VWA3B: variants seen among roughly 807,000 people sequenced by gnomAD.
The protein encoded by VWA3B is von Willebrand factor A domain containing 3B, also known as von Willebrand factor A domain-containing protein 3B.
VWA3B carries 138 observed loss-of-function variants against 158.3 expected under a neutral mutation model. The ratio of observed to expected loss-of-function variants is 0.87; its 90% confidence interval spans 0.76 to 1.00. VWA3B has a LOEUF of 1.00. Among genes scored for constraint, VWA3B ranks in the 50% least tolerant of loss-of-function variants. VWA3B has a pLI of 0.00. For missense variants in VWA3B, 1,555 were observed against 1,565.1 expected (o/e 0.99, Z 0.11); for synonymous variants, 596 against 587.3 (o/e 1.01, Z -0.21).
chr2:98,264,202 A>AT (rs529959535), intron 21 of VWA3B, among the ~76,000 whole-genome samples: 2 of 150,304 alleles, frequency 1.3e-5, no homozygotes, highest in East Asian at 2.0e-4. Context: ...GCTTTCATTG[A>AT]TTTTTTTTCT....
At chr2:98,319,660 A>G in the VWA3B span, among the ~76,000 whole-genome samples, 38 of 152,330 alleles carry the variant, frequency 2.5e-4, no homozygotes, top group East Asian at 6.8e-3. Context: ...TGGGTGGATA[A>G]AATGAGGCTA....
At chr2:98,314,792 G>A (rs148623365), downstream of VWA3B, among the ~76,000 whole-genome samples, 1,912 of 152,278 alleles carry the variant, frequency 0.013, 145 homozygotes, top group Admixed American at 0.11. Context: ...GGAGGCCGAG[G>A]TGGGTGGATC....
At chr2:98,213,381 A>G (rs1683704144) in intron 13 of VWA3B, among the ~76,000 whole-genome samples, 2 of 152,272 alleles carry the variant, frequency 1.3e-5, no homozygotes, top group South Asian at 4.1e-4. Context: ...AGTTGTGCCA[A>G]GGAAAGGCTG....
At chr2:98,238,165 G>A (rs1002285459) in intron 19 of VWA3B, among the ~76,000 whole-genome samples, 10 of 152,152 alleles carry the variant, frequency 6.6e-5, no homozygotes, top group Admixed American at 4.6e-4. Context: ...CACCCATGGA[G>A]GCTCACCTGC....
intron 11 of VWA3B, 92 bp from the exon 12 acceptor site, chr2:98,194,269 C>T: frequency 7.7e-7 from 1 of 1,305,786 alleles, no homozygotes; most frequent in Non-Finnish European, 1.1e-6. Context: ...AAATAGAGAC[C>T]ATCATGATTA....
At chr2:98,314,593 G>A (rs1164669384), downstream of VWA3B, among the ~76,000 whole-genome samples, 1 of 152,128 alleles carries the variant, frequency 6.6e-6, no homozygotes, top group Non-Finnish European at 1.5e-5. Flanking sequence ...CTGTGTCCCA[G>A]AACAAAGATC....
At chr2:98,326,099 A>T in the VWA3B span, among the ~76,000 whole-genome samples, 1 of 152,236 alleles carries the variant, frequency 6.6e-6, no homozygotes, top group Non-Finnish European at 1.5e-5. Flanking sequence ...TGCAACAAAG[A>T]AGAAATCGCA....
At chr2:98,253,178 C>T (rs1686906898) in intron 20 of VWA3B, among the ~76,000 whole-genome samples, 1 of 152,036 alleles carries the variant, frequency 6.6e-6, no homozygotes, top group Non-Finnish European at 1.5e-5. Flanking sequence ...TCATTTTTCT[C>T]AAGATAGTCA....
chr2:98,132,117 A>G (rs968788059), intron 6 of VWA3B, among the ~76,000 whole-genome samples: 2 of 152,230 alleles, frequency 1.3e-5, no homozygotes, highest in Non-Finnish European at 2.9e-5. Flanking sequence ...GCTAGAGCCC[A>G]GGGAATAATT....
chr2:98,294,796 A>G (rs944146215), intron 23 of VWA3B, among the ~76,000 whole-genome samples: 7 of 152,284 alleles, frequency 4.6e-5, no homozygotes, highest in Admixed American at 4.6e-4. Context: ...CTGTGTTTTC[A>G]TTTATTTGAG....
At chr2:98,303,263 G>A (rs190562534) in intron 25 of VWA3B, among the ~76,000 whole-genome samples, 9 of 152,198 alleles carry the variant, frequency 5.9e-5, no homozygotes, top group Admixed American at 2.0e-4. Context: ...GGCCGGGGGC[G>A]GGGGGTGGAG....
rs1165641897 is a variant in VWA3B, at chr2:98,313,266, A to G, written c.*917A>G. 2 of 151,842 alleles carry G rather than the reference A, an allele frequency of 1.3e-5. No homozygotes were observed. The allele number at this position is 151,842 out of a possible 1,614,324, so 9.4% of individuals were successfully genotyped here. On this transcript the variant is annotated 3_prime_UTR_variant, in exon 28 of 28. Transcript: ENST00000477737. ...TTATGGTGAAGAAATTAAAGAACTA[A>G]TCCACTTCTAAAAATATGAAAAAAA...
intron 7 of VWA3B, among the ~76,000 whole-genome samples, chr2:98,156,485 C>A (rs892492675): frequency 3.3e-5 from 5 of 152,086 alleles, no homozygotes; most frequent in Admixed American, 3.3e-4. Context: ...GAGCAGATGC[C>A]GGTGCGGGGT....
At chr2:98,155,124 A>T (rs1226546967) in intron 7 of VWA3B, among the ~76,000 whole-genome samples, 1 of 152,238 alleles carries the variant, frequency 6.6e-6, no homozygotes, top group African/African-American at 2.4e-5. Flanking sequence ...CTGGTGGGCC[A>T]TCCCCGTGGG....
intron 23 of VWA3B, among the ~76,000 whole-genome samples, chr2:98,296,426 G>A (rs1417140083): frequency 6.6e-6 from 1 of 152,178 alleles, no homozygotes; most frequent in Non-Finnish European, 1.5e-5. Context: ...TGTGAATAAT[G>A]TGTAAATATT....
intron 23 of VWA3B, among the ~76,000 whole-genome samples, chr2:98,295,527 A>C (rs1416977015): frequency 1.3e-5 from 2 of 152,122 alleles, no homozygotes; most frequent in Non-Finnish European, 2.9e-5. Flanking sequence ...CAGGGAGCCA[A>C]CTCATCCCCA....
chr2:98,115,625 T>A (rs1179811428), intron 2 of VWA3B, 27 bp from the exon 3 acceptor site: 1 of 1,587,342 alleles, frequency 6.3e-7, no homozygotes. Flanking sequence ...ACTACTGTTT[T>A]GATTGTTTTT....
chr2:98,149,565 T>G (rs1362518232), intron 7 of VWA3B, among the ~76,000 whole-genome samples: 1 of 152,216 alleles, frequency 6.6e-6, no homozygotes, highest in Admixed American at 6.5e-5. Flanking sequence ...AGTTTACACC[T>G]TATGCAAACG....
chr2:98,270,918 C>A, intron 22 of VWA3B, 35 bp downstream of exon 22: 1 of 1,600,576 alleles, frequency 6.2e-7, no homozygotes, highest in Non-Finnish European at 8.5e-7. Flanking sequence ...TTTCCTCCCT[C>A]TCTGCCTATC....
Sources: gnomAD v4.1 joint callset for allele counts (sites outside exome capture counted in the v4.1 genomes callset) on GRCh38, gnomAD v4.1.1 for gene constraint, MANE v1.5 for transcripts, NCBI Gene and HGNC (gene_info 2026-07-23, HGNC 2026-07-21) for gene names.